The following ARHGAP29 variants were observed in gnomAD, a reference collection of about 807,000 sequenced individuals.
ARHGAP29 encodes Rho GTPase activating protein 29.
A neutral mutation model predicts 122.6 loss-of-function variants in ARHGAP29; 43 were observed. The observed-to-expected ratio is 0.35, with a 90% CI of 0.27 to 0.45. The LOEUF is 0.45. ARHGAP29 is among the 20% of genes least tolerant of loss of function. The probability of loss-of-function intolerance (pLI) is 1.00; values close to 1 mark genes in which losing one functional copy is unlikely to be tolerated. For missense variants in ARHGAP29, 1,303 were observed against 1,477.2 expected (o/e 0.88, Z 1.93); for synonymous variants, 506 against 497.1 (o/e 1.02, Z -0.24).
At chr1:94,207,252 G>A (rs542219010) in intron 5 of ARHGAP29, among the ~76,000 whole-genome samples, 3 of 151,718 alleles carry the variant, frequency 2.0e-5, no homozygotes, top group Non-Finnish European at 2.9e-5. Context: ...CAGGTGATCC[G>A]CCCACTTCGC....
intron 1 of ARHGAP29, among the ~76,000 whole-genome samples, chr1:94,251,997 G>A (rs558038448): frequency 2.0e-5 from 3 of 151,944 alleles, no homozygotes; most frequent in East Asian, 3.9e-4. Context: ...TCCAGCCCCT[G>A]GAAAAGTACT....
intron 1 of ARHGAP29, among the ~76,000 whole-genome samples, chr1:94,265,578 C>T (rs998266571): frequency 2.0e-5 from 3 of 152,190 alleles, no homozygotes; most frequent in African/African-American, 7.2e-5. Flanking sequence ...AAGAAATACA[C>T]CAGCAATTAT....
chr1:94,207,171 G>A (rs558817569), intron 5 of ARHGAP29, among the ~76,000 whole-genome samples: 13 of 151,644 alleles, frequency 8.6e-5, no homozygotes, highest in African/African-American at 2.4e-4. Flanking sequence ...ACCCTTCCTG[G>A]CTAATATTTG....
Position 94,274,044 on chromosome 1 carries a change from CATT to C in ARHGAP29, c.-33+965_-33+967del, listed in dbSNP as rs545210389. Among the ~76,000 whole-genome samples, 174 of 152,260 alleles carry C rather than the reference CATT, an allele frequency of 1.1e-3. 1 individual carries two copies. Among genetic ancestry groups the C allele is most frequent in the African/African-American group, 3.8e-3 (158 of 41,554 alleles). On this transcript the variant is annotated intron_variant and NMD_transcript_variant, in intron 1 of 25. Coordinates refer to the ARHGAP29 transcript ENST00000552844. ...AAAAGAACGCTGTAAGACAGGGTGT[CATT>C]ATTATCCCCACTATCCAAATAAGAA...
intron 15 of ARHGAP29, among the ~76,000 whole-genome samples, chr1:94,187,183 G>GT (rs1649861974): frequency 6.6e-6 from 1 of 152,178 alleles, no homozygotes; most frequent in Non-Finnish European, 1.5e-5. Flanking sequence ...ACTGCCATAT[G>GT]TATCAAAGCA....
At chr1:94,220,475 C>T (rs931444701) in intron 2 of ARHGAP29, 83 bp from the exon 3 acceptor site, 12 of 1,241,442 alleles carry the variant, frequency 9.7e-6, no homozygotes, top group Non-Finnish European at 1.2e-5. Context: ...AAGCACATTT[C>T]AAGTAGAAGC....
chr1:94,299,242 C>A, the ARHGAP29 span, among the ~76,000 whole-genome samples: 1 of 152,136 alleles, frequency 6.6e-6, no homozygotes, highest in South Asian at 2.1e-4. Context: ...TTTATGGACT[C>A]TGGGATTCCT....
upstream of ARHGAP29, chr1:94,237,853 T>G (rs1653400437): frequency 1.4e-6 from 1 of 732,046 alleles, no homozygotes; most frequent in Non-Finnish European, 1.7e-6. Flanking sequence ...GAGGACTAGA[T>G]GCGGCTAATG....
At chr1:94,175,935 C>T (rs1235306508) in intron 22 of ARHGAP29, among the ~76,000 whole-genome samples, 6 of 152,118 alleles carry the variant, frequency 3.9e-5, no homozygotes, top group South Asian at 4.1e-4. Context: ...GAACTCCTGG[C>T]TTCAAGATCC....
chr1:94,185,215 A>G (rs958514722), intron 17 of ARHGAP29, 127 bp downstream of exon 17: 1 of 1,224,282 alleles, frequency 8.2e-7, no homozygotes, highest in South Asian at 1.7e-5. Context: ...ATAAAATTAT[A>G]GAAGGTGTAC....
At chr1:94,245,196 G>A (rs112871083) in intron 1 of ARHGAP29, among the ~76,000 whole-genome samples, 85 of 152,204 alleles carry the variant, frequency 5.6e-4, no homozygotes, top group African/African-American at 1.9e-3. Context: ...TCTTACACAG[G>A]AAATGTACAT....
At chr1:94,233,891 G>C (rs955411303) in intron 1 of ARHGAP29, among the ~76,000 whole-genome samples, 1 of 152,062 alleles carries the variant, frequency 6.6e-6, no homozygotes, top group Non-Finnish European at 1.5e-5. Flanking sequence ...ACACATAATA[G>C]GTCATGACCC....
intron 5 of ARHGAP29, among the ~76,000 whole-genome samples, chr1:94,206,426 G>T (rs1171722794): frequency 6.6e-6 from 1 of 152,126 alleles, no homozygotes; most frequent in African/African-American, 2.4e-5. Flanking sequence ...GGAGACCTGG[G>T]TCTGAAGTCC....
chr1:94,178,414 A>G lies in ARHGAP29; in HGVS notation c.2481-247T>C, dbSNP rs1649247496. ...AAGGAACTACTATAGTTTTACCAGC[A>G]GAAAGAAAAAATACCCCTAAAAACT... On this transcript the variant is annotated intron_variant, in intron 20 of 22. Coordinates refer to ENST00000260526, the MANE Select transcript of ARHGAP29 (RefSeq NM_004815.4). Among the ~76,000 whole-genome samples, 4 of 152,258 alleles carry G rather than the reference A, an allele frequency of 2.6e-5. No homozygotes were observed. The South Asian group carries it at 6.2e-4, about 24-fold the overall frequency.
At chr1:94,295,796 C>CACAATGTGGAATCTTCTA in the ARHGAP29 span, among the ~76,000 whole-genome samples, 3 of 151,916 alleles carry the variant, frequency 2.0e-5, no homozygotes, top group East Asian at 3.9e-4. Flanking sequence ...TCTAATTCCA[C>CACAATGTGGAATCTTCTA]ATTGGGGTAT....
chr1:94,300,854 T>C, the ARHGAP29 span, among the ~76,000 whole-genome samples: 1 of 152,216 alleles, frequency 6.6e-6, no homozygotes, highest in Non-Finnish European at 1.5e-5. Flanking sequence ...GATTAATGAA[T>C]AAATTATATT....
Position 94,170,703 on chromosome 1 carries a change from A to C in ARHGAP29, c.*3166T>G, listed in dbSNP as rs7412971. On this transcript the variant is annotated 3_prime_UTR_variant, in exon 23 of 23. Coordinates refer to ENST00000260526, the MANE Select transcript of ARHGAP29 (RefSeq NM_004815.4). ...GATTACATTGAATCTACAAATGTAA[A>C]TGAACATCTTTACACGACTGAGTCT... Among the ~76,000 whole-genome samples, 2 of 152,066 alleles carry C rather than the reference A, an allele frequency of 1.3e-5. No homozygotes were observed. Among genetic ancestry groups the C allele is most frequent in the African/African-American group, 4.8e-5 (2 of 41,396 alleles).
rs140051427 is a variant in ARHGAP29, at chr1:94,271,753, A to C, written c.-33+3259T>G. Among the ~76,000 whole-genome samples, 219 of 152,280 alleles carry C rather than the reference A, an allele frequency of 1.4e-3. 7 individuals are homozygous for C. In the East Asian group the frequency reaches 0.035, roughly 25 times the overall value. On this transcript the variant is annotated intron_variant and NMD_transcript_variant, in intron 1 of 25. Transcript: ENST00000552844. ...AGTAGTCTCACTCACCATTACTCTGAATGACTCATTCTGGTAATTTTGGAC... is the reference window on the plus strand; with the variant it reads ...AGTAGTCTCACTCACCATTACTCTGCATGACTCATTCTGGTAATTTTGGAC...
At chr1:94,272,384 G>C (rs927358518) in intron 1 of ARHGAP29, among the ~76,000 whole-genome samples, 29 of 152,174 alleles carry the variant, frequency 1.9e-4, no homozygotes, top group African/African-American at 6.8e-4. Context: ...TGTGGAGAAG[G>C]GGATCTGTGA....
Sources: gnomAD v4.1 joint callset for allele counts (sites outside exome capture counted in the v4.1 genomes callset) on GRCh38, gnomAD v4.1.1 for gene constraint, MANE v1.5 for transcripts, NCBI Gene and HGNC (gene_info 2026-07-23, HGNC 2026-07-21) for gene names.